The following PCDH15 variants were observed in gnomAD, a reference collection of about 807,000 sequenced individuals.
PCDH15 encodes protocadherin related 15.
A neutral mutation model predicts 178.5 loss-of-function variants in PCDH15; 129 were observed. The ratio of observed to expected loss-of-function variants is 0.72; its 90% CI spans 0.63 to 0.84. The LOEUF is 0.84. PCDH15 is among the 40% of genes least tolerant of loss of function. The pLI, the probability that PCDH15 is intolerant of heterozygous loss-of-function variation, is 0.00. For synonymous variants in PCDH15, 800 were observed against 732.0 expected, an observed-to-expected ratio of 1.09 and a Z score of -1.50; for missense variants, 2,230 against 2,099.9, an observed-to-expected ratio of 1.06 and a Z score of -1.21.
chr10:54,389,752 A>G (rs1049939690), intron 3 of PCDH15, among the ~76,000 whole-genome samples: 1 of 151,316 alleles, frequency 6.6e-6, no homozygotes, highest in Non-Finnish European at 1.5e-5. Flanking sequence ...CAGCCTGGCA[A>G]ACATGGTGAA....
At chr10:54,049,375 A>G (rs893488573) in intron 18 of PCDH15, among the ~76,000 whole-genome samples, 1 of 152,062 alleles carries the variant, frequency 6.6e-6, no homozygotes, top group Non-Finnish European at 1.5e-5. Flanking sequence ...TCTTTGCCTG[A>G]TTTCTCTAAC....
chr10:55,348,366 C>G (rs896669485), intron 2 of PCDH15, among the ~76,000 whole-genome samples: 2 of 151,980 alleles, frequency 1.3e-5, no homozygotes, highest in African/African-American at 4.8e-5. Context: ...AAATAACACA[C>G]AAATTCCATT....
In PCDH15 at chr10:54,973,388, T is replaced by C. The variant is rs1377989; in HGVS notation, c.-79-75888A>G. ...ACCATTAGAGATTAAATTTTTTAGG[T>C]TGCATAAAAATATGCACATTTGTAA... On this transcript the variant is annotated intron_variant, in intron 2 of 5. Coordinates refer to the PCDH15 transcript ENST00000458638. 1.4e-3 allele frequency among the ~76,000 whole-genome samples: 208 copies of C among 152,332 alleles called. 2 individuals carry two copies. Among genetic ancestry groups the C allele is most frequent in the African/African-American group, 4.9e-3 (203 of 41,580 alleles).
intron 2 of PCDH15, among the ~76,000 whole-genome samples, chr10:55,152,278 CAT>C (rs1448960341): frequency 3.3e-5 from 5 of 152,020 alleles, no homozygotes; most frequent in Non-Finnish European, 4.4e-5. Flanking sequence ...ATATTTACCT[CAT>C]GTGGATAAAT....
intron 2 of PCDH15, among the ~76,000 whole-genome samples, chr10:54,604,452 T>C (rs375771733): frequency 6.6e-5 from 10 of 152,168 alleles, no homozygotes; most frequent in African/African-American, 2.2e-4. Context: ...TTAGATCTGA[T>C]ATTGAGTGCA....
At chr10:53,822,797 T>G (rs1328265041) in intron 32 of PCDH15, 4 of 1,614,002 alleles carry the variant, frequency 2.5e-6, no homozygotes, top group Non-Finnish European at 3.4e-6. Context: ...TCATCAGTGT[T>G]TCACCTTGCC....
Position 55,154,913 on chromosome 10 carries a change from T to A in PCDH15, c.-80+11663A>T, listed in dbSNP as rs115733571. On this transcript the variant is annotated intron_variant, in intron 2 of 5. Transcript: ENST00000458638. ...AAGGTGTGGTTCTCAGATTGCAAGA[T>A]GAAGTAATTCACACCCCTGACATAC... Among the ~76,000 whole-genome samples, 841 of 152,256 alleles carry A rather than the reference T, an allele frequency of 5.5e-3. 5 individuals are homozygous for A. The highest frequency in any genetic ancestry group is 0.019 in the African/African-American group (789 of 41,546).
intron 2 of PCDH15, among the ~76,000 whole-genome samples, chr10:55,525,847 G>A (rs1268634007): frequency 6.6e-6 from 1 of 151,830 alleles, no homozygotes; most frequent in Non-Finnish European, 1.5e-5. Context: ...AATCAATAAT[G>A]TGGTGGCAGC....
intron 16 of PCDH15, among the ~76,000 whole-genome samples, chr10:54,079,738 G>C (rs567216942): frequency 1.5e-4 from 23 of 152,172 alleles, no homozygotes; most frequent in African/African-American, 5.5e-4. Context: ...ATTATTTCAA[G>C]AGAAAAGACT....
chr10:55,339,381 A>G (rs959044838), intron 2 of PCDH15, among the ~76,000 whole-genome samples: 4 of 152,118 alleles, frequency 2.6e-5, no homozygotes, highest in Non-Finnish European at 5.9e-5. Flanking sequence ...AGTAATGAGG[A>G]TATAGGATAG....
At chr10:54,481,465 T>A (rs2078711673) in intron 3 of PCDH15, among the ~76,000 whole-genome samples, 1 of 151,842 alleles carries the variant, frequency 6.6e-6, no homozygotes, top group Non-Finnish European at 1.5e-5. Context: ...CAAAAATGTT[T>A]AAAATATGTT....
At chr10:53,981,267 AGT>A (rs1477261633) in intron 21 of PCDH15, among the ~76,000 whole-genome samples, 2 of 152,232 alleles carry the variant, frequency 1.3e-5, no homozygotes, top group East Asian at 1.9e-4. Flanking sequence ...CTATTCTTAC[AGT>A]GTGTGTTAAA....
At chr10:54,461,802 A>C (rs577589483) in intron 3 of PCDH15, among the ~76,000 whole-genome samples, 1 of 152,206 alleles carries the variant, frequency 6.6e-6, no homozygotes, top group Non-Finnish European at 1.5e-5. Flanking sequence ...GTAAGGACTT[A>C]ATATTTAATT....
intron 23 of PCDH15, among the ~76,000 whole-genome samples, chr10:53,943,616 A>T (rs1246759133): frequency 6.6e-6 from 1 of 152,188 alleles, no homozygotes; most frequent in African/African-American, 2.4e-5. Context: ...AATACTAAAA[A>T]AAGTAATTGG....
At chr10:55,024,432 G>T (rs1055249410) in intron 2 of PCDH15, among the ~76,000 whole-genome samples, 17 of 140,368 alleles carry the variant, frequency 1.2e-4, no homozygotes, top group Non-Finnish European at 2.1e-4. Context: ...AAGAGATAAA[G>T]GGATAATATA....
chr10:55,188,261 T>C (rs1214812313), intron 1 of PCDH15, among the ~76,000 whole-genome samples: 1 of 151,942 alleles, frequency 6.6e-6, no homozygotes, highest in Non-Finnish European at 1.5e-5. Flanking sequence ...CTTTTACCAA[T>C]TCTATATAAT....
chr10:55,177,213 A>G (rs1306996371), intron 1 of PCDH15, among the ~76,000 whole-genome samples: 1 of 152,170 alleles, frequency 6.6e-6, no homozygotes, highest in Non-Finnish European at 1.5e-5. Context: ...ATTCATGGGC[A>G]TTAGAGTATT....
intron 25 of PCDH15, among the ~76,000 whole-genome samples, chr10:53,913,549 T>C (rs935509496): frequency 2.7e-5 from 4 of 147,254 alleles, no homozygotes; most frequent in Admixed American, 1.4e-4. Context: ...CTGGCTAACA[T>C]GGTGAAATCC....
chr10:54,910,918 T>C (rs1214486335), intron 2 of PCDH15, among the ~76,000 whole-genome samples: 1 of 152,126 alleles, frequency 6.6e-6, no homozygotes, highest in East Asian at 1.9e-4. Context: ...GCAATTGAGA[T>C]GGGACAGTGG....
Sources: gnomAD v4.1 joint callset for allele counts (sites outside exome capture counted in the v4.1 genomes callset) on GRCh38, gnomAD v4.1.1 for gene constraint, MANE v1.5 for transcripts, NCBI Gene and HGNC (gene_info 2026-07-23, HGNC 2026-07-21) for gene names.